The following SMC1B variants were observed in gnomAD, a reference collection of about 807,000 sequenced individuals.
The protein encoded by SMC1B is structural maintenance of chromosomes 1B, also known as structural maintenance of chromosomes protein 1B.
A neutral mutation model predicts 157.9 loss-of-function variants in SMC1B; 60 were observed. That is an observed-to-expected ratio of 0.38 (90% CI 0.31 to 0.47). The LOEUF (loss-of-function observed/expected upper bound fraction) is 0.47. Ranked by LOEUF, SMC1B falls within the 20% of genes least tolerant of loss-of-function variation. The pLI, the probability that SMC1B is intolerant of heterozygous loss-of-function variation, is 0.99. For synonymous variants in SMC1B, 445 were observed against 483.0 expected (o/e 0.92, Z 1.03); for missense variants, 1,165 against 1,426.2 (o/e 0.82, Z 2.95).
chr22:45,397,102 T>C (rs1260143519), intron 6 of SMC1B, among the ~76,000 whole-genome samples: 1 of 149,954 alleles, frequency 6.7e-6, no homozygotes, highest in Admixed American at 6.7e-5. Flanking sequence ...TGACTATATA[T>C]ACCAAAATAA....
At chr22:45,345,899 G>A (rs561861840) in intron 23 of SMC1B, among the ~76,000 whole-genome samples, 27 of 152,202 alleles carry the variant, frequency 1.8e-4, no homozygotes, top group Non-Finnish European at 3.7e-4. Flanking sequence ...AAAAAGGGCT[G>A]GTATTTAAAC....
intron 12 of SMC1B, among the ~76,000 whole-genome samples, chr22:45,381,497 G>C (rs1161628000): frequency 6.6e-6 from 1 of 152,208 alleles, no homozygotes; most frequent in East Asian, 1.9e-4. Context: ...TCAAGACCAG[G>C]CATCTTCACA....
In SMC1B at chr22:45,344,743, G is replaced by A. The variant is rs2086533854; in HGVS notation, c.3607-86C>T. ...AAGAGCCATTAGTGAGTCTAGAATT[G>A]CATTCAAAAGGAATCTTCTTCAACC... On this transcript the variant is annotated intron_variant, in intron 24 of 24. Coordinates refer to ENST00000357450, the MANE Select transcript of SMC1B (RefSeq NM_148674.5). 1.9e-5 allele frequency: 16 copies of A among 824,658 alleles called. No individual in the cohort carries two copies. The South Asian group carries it at 2.6e-4, about 13-fold the overall frequency. 51.1% of individuals were successfully genotyped at this position (824,658 alleles called of 1,614,324 possible).
At chr22:45,365,182 G>T (rs1348501620) in intron 15 of SMC1B, among the ~76,000 whole-genome samples, 1 of 152,058 alleles carries the variant, frequency 6.6e-6, no homozygotes. Context: ...TGTTGCTCTT[G>T]TGTAGTTACA....
rs61735519 is a variant in SMC1B at position 45,354,086 on chromosome 22, G to A, written c.3165C>T (p.Phe1055=). 8.7e-6 allele frequency: 14 copies of A among 1,600,592 alleles called. No homozygotes were observed. The highest frequency in any genetic ancestry group is 2.7e-5 in the African/African-American group (2 of 74,212). ...CGTATCTCCTTTTTTTCACTTGCTC[G>A]AACTCTTGCCTACACAGTCTGGCTT... ...RKEARLCRQE[F]EQVKKRRYDL... The change falls in exon 21 of 25, where the codon TTC becomes TTT. Residue 1055 remains phenylalanine (F), a synonymous_variant. Coordinates refer to ENST00000357450, the MANE Select transcript of SMC1B (RefSeq NM_148674.5).
At chr22:45,368,519 T>C (rs2086797520) in intron 15 of SMC1B, among the ~76,000 whole-genome samples, 1 of 149,414 alleles carries the variant, frequency 6.7e-6, no homozygotes, top group Non-Finnish European at 1.5e-5. Context: ...CTGAAATAGT[T>C]TTTTTTTTTT....
At position 45,404,835 on chromosome 22, in the gene SMC1B, G is replaced by C. The variant is rs74860451; in HGVS notation, c.615+1625C>G. ...CACATGTTCTCAGGATCTCCTTAGA[G>C]CTGTGTCACAGGCCATGGTCACTCA... On this transcript the variant is annotated intron_variant, in intron 4 of 24. Transcript: ENST00000357450. Among the ~76,000 whole-genome samples, 35 of 152,332 alleles carry C rather than the reference G, an allele frequency of 2.3e-4. No individual in the cohort carries two copies. In the East Asian group the frequency reaches 5.4e-3, roughly 23 times the overall value.
chr22:45,366,812 A>G (rs1159056709), intron 15 of SMC1B, among the ~76,000 whole-genome samples: 2 of 152,200 alleles, frequency 1.3e-5, no homozygotes, highest in African/African-American at 2.4e-5. Context: ...ATAATTTTCT[A>G]TATCTTGTAG....
intron 12 of SMC1B, among the ~76,000 whole-genome samples, chr22:45,381,864 C>T (rs2086940175): frequency 6.6e-6 from 1 of 152,098 alleles, no homozygotes; most frequent in African/African-American, 2.4e-5. Flanking sequence ...AGTCAAGTAA[C>T]CTTGCCAAAA....
Position 45,402,507 on chromosome 22 carries a change from T to C in SMC1B, c.680A>G (p.Gln227Arg). The C allele has an allele frequency of 6.2e-7, 1 of 1,614,008 alleles. No individual in the cohort carries two copies. Among genetic ancestry groups the C allele is most frequent in the Non-Finnish European group, 8.5e-7 (1 of 1,179,954 alleles). ...AATCTTTTTCTCATTATGGTATAGT[T>C]GAAAAAGCTGCAGTTGTATCTTGTT... ...KMNKIQLQLF[Q>R]LYHNEKKIHL... The change falls in exon 5 of 25, where the codon CAA (glutamine) becomes CGA (arginine). Residue 227 changes from glutamine to arginine, a missense_variant. Physicochemically the swap from Gln to Arg is conservative, Grantham distance 43. Transcript: ENST00000357450.
chr22:45,360,047 A>G, intron 17 of SMC1B, 89 bp from the exon 18 acceptor site: 1 of 983,806 alleles, frequency 1.0e-6, no homozygotes, highest in Non-Finnish European at 1.5e-6. Flanking sequence ...ACTTTTATGA[A>G]AAAAGAATTA....
intron 20 of SMC1B, among the ~76,000 whole-genome samples, chr22:45,354,361 G>GGTATGTATGTATGTATGTAT (rs376322847): frequency 6.6e-6 from 1 of 151,120 alleles, no homozygotes; most frequent in Non-Finnish European, 1.5e-5. Context: ...GTTCTGATAG[G>GGTATGTATGTATGTATGTAT]GTATGTATGT....
At chr22:45,364,903 T>C (rs1299507492) in intron 15 of SMC1B, among the ~76,000 whole-genome samples, 1 of 144,724 alleles carries the variant, frequency 6.9e-6, no homozygotes, top group East Asian at 2.1e-4. Flanking sequence ...AGTGGCACGA[T>C]CTCGGCTCAC....
At chr22:45,380,712 G>A (rs889376101) in intron 12 of SMC1B, among the ~76,000 whole-genome samples, 2 of 152,082 alleles carry the variant, frequency 1.3e-5, no homozygotes, top group African/African-American at 2.4e-5. Context: ...AAGGCCAGGA[G>A]TTCAAGACCA....
At chr22:45,395,567 T>A (rs2087113404) in intron 7 of SMC1B, among the ~76,000 whole-genome samples, 4 of 152,090 alleles carry the variant, frequency 2.6e-5, no homozygotes, top group African/African-American at 9.7e-5. Context: ...TAGATATAGA[T>A]AAAAAATTGA....
At chr22:45,411,013 CTAAACA>C (rs1326771964) in intron 1 of SMC1B, among the ~76,000 whole-genome samples, 2 of 152,122 alleles carry the variant, frequency 1.3e-5, no homozygotes, top group African/African-American at 4.8e-5. Context: ...AGTAACAAAA[CTAAACA>C]TAAACTTTTA....
intron 9 of SMC1B, among the ~76,000 whole-genome samples, chr22:45,390,217 C>A (rs561531153): frequency 6.6e-6 from 1 of 151,952 alleles, no homozygotes; most frequent in African/African-American, 2.4e-5. Flanking sequence ...AAGGGACCTA[C>A]TATTGCAGGT....
chr22:45,379,022 G>A (rs1376471895), intron 12 of SMC1B, among the ~76,000 whole-genome samples: 1 of 151,690 alleles, frequency 6.6e-6, no homozygotes, highest in Non-Finnish European at 1.5e-5. Flanking sequence ...TTGCCTTGTT[G>A]CCCAGGCTGG....
At chr22:45,410,512 G>T (rs2087319661) in intron 1 of SMC1B, among the ~76,000 whole-genome samples, 1 of 152,176 alleles carries the variant, frequency 6.6e-6, no homozygotes, top group Non-Finnish European at 1.5e-5. Flanking sequence ...AGACCAGCCT[G>T]ACCAACATGG....
Sources: allele counts gnomAD v4.1 joint callset (sites outside exome capture counted in the v4.1 genomes callset), GRCh38; gene constraint gnomAD v4.1.1; transcripts MANE v1.5; gene names NCBI Gene and HGNC (gene_info 2026-07-23, HGNC 2026-07-21).